The following ZNF385B variants were observed in gnomAD, a reference collection of about 807,000 sequenced individuals.
ZNF385B encodes the protein zinc finger protein 385B, also known as zinc finger protein 533.
ZNF385B carries 23 observed loss-of-function variants against 39.2 expected under a neutral mutation model. The observed-to-expected ratio is 0.59, with a 90% CI of 0.42 to 0.83. The LOEUF is 0.83. ZNF385B is among the 40% of genes least tolerant of loss of function. The pLI is 0.00. For missense variants in ZNF385B, 552 were observed against 598.9 expected, an observed-to-expected ratio of 0.92 and a Z score of 0.82; for synonymous variants, 205 against 222.6, an observed-to-expected ratio of 0.92 and a Z score of 0.70.
intron 1 of ZNF385B, among the ~76,000 whole-genome samples, chr2:179,778,671 C>T (rs551868534): frequency 6.6e-6 from 1 of 152,260 alleles, no homozygotes; most frequent in Admixed American, 6.5e-5. Context: ...AGTATTATTT[C>T]CAGTCATAAT....
chr2:179,625,515 T>C (rs1690579183), intron 3 of ZNF385B, among the ~76,000 whole-genome samples: 1 of 152,076 alleles, frequency 6.6e-6, no homozygotes, highest in Non-Finnish European at 1.5e-5. Flanking sequence ...TTTATATGCA[T>C]AAATATATAA....
chr2:179,764,676 T>G (rs1311918849), intron 3 of ZNF385B, among the ~76,000 whole-genome samples: 2 of 152,226 alleles, frequency 1.3e-5, no homozygotes, highest in African/African-American at 4.8e-5. Flanking sequence ...GACAATTTAT[T>G]GGTATCAGCA....
At position 179,544,980 on chromosome 2, in the gene ZNF385B, C is replaced by G; in HGVS notation, c.299-11G>C. On this transcript the variant is annotated splice_polypyrimidine_tract_variant and intron_variant, in intron 3 of 9. Coordinates refer to ENST00000410066, the MANE Select transcript of ZNF385B (RefSeq NM_152520.6). ...TGTGGCATGTACTGCCTGCCAAGAA[C>G]AAAACAAAAATGAATTCAATTTCTT... The G allele has an allele frequency of 6.2e-7, 1 of 1,613,550 alleles. No individual in the cohort carries two copies. The highest frequency in any genetic ancestry group is 1.7e-4 in the Middle Eastern group (1 of 6,052).
intron 3 of ZNF385B, among the ~76,000 whole-genome samples, chr2:179,765,735 C>T (rs1319659157): frequency 6.6e-6 from 1 of 152,116 alleles, no homozygotes; most frequent in Non-Finnish European, 1.5e-5. Context: ...ACACCAGGAT[C>T]TTACTGCCTT....
At chr2:179,721,601 AT>A (rs1309940681) in intron 3 of ZNF385B, among the ~76,000 whole-genome samples, 1 of 152,160 alleles carries the variant, frequency 6.6e-6, no homozygotes, top group Non-Finnish European at 1.5e-5. Context: ...AAAATTAAAT[AT>A]TGTGAACTAA....
At chr2:179,844,850 G>C (rs1344116607) in intron 1 of ZNF385B, among the ~76,000 whole-genome samples, 2 of 152,106 alleles carry the variant, frequency 1.3e-5, no homozygotes, top group Admixed American at 6.5e-5. Context: ...CAAATACAAA[G>C]AGCGTTGGGT....
chr2:179,470,866 G>GAATCAAACAAAC (rs2052691675), intron 6 of ZNF385B, among the ~76,000 whole-genome samples: 1 of 151,126 alleles, frequency 6.6e-6, no homozygotes, highest in African/African-American at 2.4e-5. Context: ...GTATGTCCCT[G>GAATCAAACAAAC]AAACAAACAA....
At chr2:179,498,530 A>T (rs2056455897) in intron 5 of ZNF385B, among the ~76,000 whole-genome samples, 1 of 152,064 alleles carries the variant, frequency 6.6e-6, no homozygotes, top group Admixed American at 6.6e-5. Flanking sequence ...TCATAACAAA[A>T]GGAATTTTGG....
chr2:179,739,910 CTACG>C (rs766076576), intron 3 of ZNF385B, among the ~76,000 whole-genome samples: 10 of 152,096 alleles, frequency 6.6e-5, no homozygotes, highest in Non-Finnish European at 1.5e-4. Flanking sequence ...ACAAAAGTAG[CTACG>C]TACTTAAATT....
Position 179,443,167 on chromosome 2 carries a change from C to A in ZNF385B, c.*83G>T. On this transcript the variant is annotated 3_prime_UTR_variant, in exon 10 of 10. Transcript: ENST00000410066. Reference sequence around the variant, plus strand: ...TGTGGGTGAATGGGGGGTACTGCAACACAAACTGCTTAAATTGCTGAATCC... The same window carrying A: ...TGTGGGTGAATGGGGGGTACTGCAAAACAAACTGCTTAAATTGCTGAATCC... The A allele has an allele frequency of 6.5e-7, 1 of 1,539,750 alleles. No homozygotes were observed. The highest frequency in any genetic ancestry group is 8.9e-7 in the Non-Finnish European group (1 of 1,120,482).
At chr2:179,823,256 G>C (rs1206863787) in intron 1 of ZNF385B, among the ~76,000 whole-genome samples, 2 of 152,100 alleles carry the variant, frequency 1.3e-5, no homozygotes, top group African/African-American at 4.8e-5. Context: ...GAACTGCTAT[G>C]CTGTATTACA....
At chr2:179,572,606 A>G (rs1685353215) in intron 3 of ZNF385B, among the ~76,000 whole-genome samples, 1 of 152,168 alleles carries the variant, frequency 6.6e-6, no homozygotes, top group African/African-American at 2.4e-5. Context: ...CAGGGCTAAT[A>G]TCCAATGGAC....
chr2:179,785,726 A>G (rs1704957563), intron 1 of ZNF385B, among the ~76,000 whole-genome samples: 2 of 152,180 alleles, frequency 1.3e-5, no homozygotes, highest in Admixed American at 1.3e-4. Context: ...ATTTTAATGA[A>G]TGAGGAGTTG....
At chr2:179,762,600 A>AC (rs1255501129) in intron 3 of ZNF385B, among the ~76,000 whole-genome samples, 4 of 152,194 alleles carry the variant, frequency 2.6e-5, no homozygotes, top group Non-Finnish European at 5.9e-5. Context: ...CAATTTGCTC[A>AC]CATTTTGTTG....
At chr2:179,552,205 A>G (rs1457376414) in intron 3 of ZNF385B, among the ~76,000 whole-genome samples, 1 of 149,408 alleles carries the variant, frequency 6.7e-6, no homozygotes, top group Non-Finnish European at 1.5e-5. Flanking sequence ...CTTTAGATAT[A>G]TAATCTTAAA....
At chr2:179,675,324 C>T (rs560327357) in intron 3 of ZNF385B, among the ~76,000 whole-genome samples, 1 of 152,238 alleles carries the variant, frequency 6.6e-6, no homozygotes, top group South Asian at 2.1e-4. Context: ...GAAGAGGAGG[C>T]ACTGGCTTGC....
chr2:179,612,486 G>A (rs1290854992), intron 3 of ZNF385B, among the ~76,000 whole-genome samples: 1 of 151,994 alleles, frequency 6.6e-6, no homozygotes, highest in Admixed American at 6.6e-5. Flanking sequence ...CAGACTTGTA[G>A]GGGCACTGTC....
chr2:179,688,252 A>C (rs1445001344), intron 3 of ZNF385B, among the ~76,000 whole-genome samples: 2 of 152,170 alleles, frequency 1.3e-5, no homozygotes, highest in Non-Finnish European at 2.9e-5. Flanking sequence ...AGGGATGTAC[A>C]CAGAAGTTTA....
chr2:179,569,567 T>C (rs1163574526), intron 3 of ZNF385B, among the ~76,000 whole-genome samples: 1 of 152,184 alleles, frequency 6.6e-6, no homozygotes, highest in South Asian at 2.1e-4. Context: ...ATAGCATATC[T>C]TAAAATGACT....
Sources: gnomAD v4.1 joint callset for allele counts (sites outside exome capture counted in the v4.1 genomes callset) on GRCh38, gnomAD v4.1.1 for gene constraint, MANE v1.5 for transcripts, NCBI Gene and HGNC (gene_info 2026-07-23, HGNC 2026-07-21) for gene names.